The following BRWD1 variants were observed in gnomAD, a reference collection of about 807,000 sequenced individuals.
BRWD1 encodes bromodomain and WD repeat domain containing 1, also known as bromodomain and WD repeat-containing protein 1.
BRWD1 carries 82 observed loss-of-function variants against 251.2 expected under a neutral mutation model. That is an observed-to-expected ratio of 0.33 (90% CI 0.27 to 0.39). The LOEUF (loss-of-function observed/expected upper bound fraction) is 0.39, where lower values mean the gene tolerates loss of function less well. Ranked by LOEUF, BRWD1 falls within the 10% of genes least tolerant of loss-of-function variation. BRWD1 has a pLI of 1.00. For synonymous variants in BRWD1, 918 were observed against 902.8 expected (o/e 1.02, Z -0.30); for missense variants, 2,233 against 2,711.6 (o/e 0.82, Z 3.92).
At chr21:39,312,185 G>A (rs1457323339) in intron 4 of BRWD1, among the ~76,000 whole-genome samples, 1 of 152,134 alleles carries the variant, frequency 6.6e-6, no homozygotes, top group Non-Finnish European at 1.5e-5. Flanking sequence ...GATTAACCGA[G>A]CTCAAAAGAA....
At chr21:39,273,390 C>A (rs540034360) in intron 13 of BRWD1, among the ~76,000 whole-genome samples, 1 of 152,182 alleles carries the variant, frequency 6.6e-6, no homozygotes, top group African/African-American at 2.4e-5. Context: ...TTCTCTATCA[C>A]AGATAATTCC....
At chr21:39,250,656 A>C (rs1241747894) in intron 20 of BRWD1, 140 bp downstream of exon 20, 2 of 590,790 alleles carry the variant, frequency 3.4e-6, no homozygotes, top group Non-Finnish European at 2.9e-6. Context: ...TAAGTCTACT[A>C]TTTTAAATCT....
At chr21:39,222,785 A>T (rs2033229284) in intron 29 of BRWD1, among the ~76,000 whole-genome samples, 4 of 152,198 alleles carry the variant, frequency 2.6e-5, no homozygotes, top group Non-Finnish European at 5.9e-5. Flanking sequence ...AAGAAACAAG[A>T]TTTTTGCAGC....
intron 35 of BRWD1, 87 bp from the exon 36 acceptor site, chr21:39,210,234 T>A: frequency 1.7e-6 from 2 of 1,158,794 alleles, no homozygotes; most frequent in Non-Finnish European, 2.4e-6. Flanking sequence ...AAATGTGAAA[T>A]GATGGAAGAG....
rs565370773 is a variant in BRWD1 at position 39,185,862 on chromosome 21, C to T, written c.*10397G>A. 3 of 152,254 alleles carry T rather than the reference C, an allele frequency of 2.0e-5. No homozygotes were observed. The highest frequency in any genetic ancestry group is 1.3e-4 in the Admixed American group (2 of 15,308). The allele number at this position is 152,254 out of a possible 1,614,324, so 9.4% of individuals were successfully genotyped here. A position where few individuals can be genotyped will look rare whatever the true frequency, so the allele number is the denominator to read the frequency against. Reference sequence around the variant, plus strand: ...CAACAACTTAATTTTTCCAGTAACACGTTACTATGTTAAAAAGATGCGACA... The same window carrying T: ...CAACAACTTAATTTTTCCAGTAACATGTTACTATGTTAAAAAGATGCGACA... On this transcript the variant is annotated 3_prime_UTR_variant, in exon 41 of 41. Coordinates refer to ENST00000342449, the MANE Select transcript of BRWD1 (RefSeq NM_033656.4).
At chr21:39,184,348 T>C (rs2031088013), downstream of BRWD1, 1 of 152,254 alleles carries the variant, frequency 6.6e-6, no homozygotes, top group Non-Finnish European at 1.5e-5. Flanking sequence ...ATAAGCAGAA[T>C]GTGTGATTGT....
chr21:39,306,617 A>T (rs1182427948), intron 4 of BRWD1, among the ~76,000 whole-genome samples: 1 of 152,168 alleles, frequency 6.6e-6, no homozygotes, highest in East Asian at 1.9e-4. Context: ...AAAATACCAG[A>T]AGATCCTTAT....
At chr21:39,306,566 T>C (rs1267777519) in intron 4 of BRWD1, among the ~76,000 whole-genome samples, 2 of 152,186 alleles carry the variant, frequency 1.3e-5, no homozygotes, top group African/African-American at 4.8e-5. Flanking sequence ...AATAATTGAA[T>C]AATGTGTTAC....
At chr21:39,304,042 T>G (rs150221792) in intron 4 of BRWD1, among the ~76,000 whole-genome samples, 2,289 of 147,210 alleles carry the variant, frequency 0.016, 55 homozygotes, top group African/African-American at 0.055. Context: ...TCAGGAGGCT[T>G]AGGCAGGAGA....
chr21:39,304,192 T>C (rs1480624687), intron 4 of BRWD1, among the ~76,000 whole-genome samples: 1 of 151,346 alleles, frequency 6.6e-6, no homozygotes, highest in East Asian at 1.9e-4. Flanking sequence ...GAATACTTTT[T>C]ACCTTTTTGA....
chr21:39,302,190 G>C (rs1185436848), intron 4 of BRWD1, among the ~76,000 whole-genome samples: 2 of 151,514 alleles, frequency 1.3e-5, no homozygotes, highest in Non-Finnish European at 2.9e-5. Flanking sequence ...CACCATGTTG[G>C]CCAGGCTGGT....
intron 4 of BRWD1, among the ~76,000 whole-genome samples, chr21:39,301,978 GTTTTTTTTT>G (rs750413248): frequency 1.3e-5 from 1 of 79,866 alleles, no homozygotes; most frequent in African/African-American, 5.1e-5. Flanking sequence ...AGCTTTGTGT[GTTTTTTTTT>G]TTTTTTTTTT....
intron 17 of BRWD1, among the ~76,000 whole-genome samples, chr21:39,259,916 C>T (rs775947034): frequency 6.6e-6 from 1 of 151,986 alleles, no homozygotes; most frequent in Non-Finnish European, 1.5e-5. Flanking sequence ...ATATAACTTG[C>T]CACCATAAAG....
intron 11 of BRWD1, among the ~76,000 whole-genome samples, chr21:39,276,602 T>G (rs1411199451): frequency 6.6e-6 from 1 of 152,232 alleles, no homozygotes; most frequent in Admixed American, 6.5e-5. Context: ...TTTAAATCTG[T>G]ATCTATCAAA....
Position 39,187,953 on chromosome 21 carries a change from T to G in BRWD1, c.*8306A>C. 7 of 984,872 alleles carry G rather than the reference T, an allele frequency of 7.1e-6. No individual in the cohort carries two copies. The highest frequency in any genetic ancestry group is 8.4e-6 in the Non-Finnish European group (7 of 829,494). 61.0% of individuals were successfully genotyped at this position (984,872 alleles called of 1,614,324 possible). On this transcript the variant is annotated 3_prime_UTR_variant, in exon 41 of 41. Coordinates refer to ENST00000342449, the MANE Select transcript of BRWD1 (RefSeq NM_033656.4). The stretch of plus-strand genomic sequence containing the variant: ...CGAGAGGTGAAAATTGTGAAGGGAT[T>G]TGCCAGACAAAAAGCACTTTGGAGA...
rs80080474 is a variant in BRWD1, at chr21:39,216,129, G to A, written c.3660-767C>T. Among the ~76,000 whole-genome samples, 301 of 152,294 alleles carry A rather than the reference G, an allele frequency of 2.0e-3. 3 individuals carry two copies. The highest frequency in any genetic ancestry group is 9.1e-3 in the East Asian group (47 of 5,190). ...AATTACGTCGATAATGTGGACTCAA[G>A]ATGACTTTTTATAATTTCTTAAAGT... is the stretch of plus-strand genomic sequence containing the variant. On this transcript the variant is annotated intron_variant, in intron 31 of 40. Transcript: ENST00000342449.
chr21:39,313,513 CG>C lies in BRWD1; in HGVS notation c.-23del. 8.4e-7 allele frequency: 1 copy of C among 1,195,504 alleles called. No homozygotes were observed. The highest frequency in any genetic ancestry group is 1.0e-6 in the Non-Finnish European group (1 of 959,564). 74.1% of individuals were successfully genotyped at this position (1,195,504 alleles called of 1,614,324 possible). On this transcript the variant is annotated 5_prime_UTR_variant, in exon 1 of 41. Coordinates refer to ENST00000342449, the MANE Select transcript of BRWD1 (RefSeq NM_033656.4). Reference sequence around the variant, plus strand: ...CCATGGCCGGGCGCGGGGCGGGAGGCGGGAGCGAGCGAGCGAGCGGAGCGTG... The same window carrying C: ...CCATGGCCGGGCGCGGGGCGGGAGGCGGAGCGAGCGAGCGAGCGGAGCGTG...
Position 39,306,717 on chromosome 21 carries a change from A to C in BRWD1, c.198+6124T>G, listed in dbSNP as rs146174207. On this transcript the variant is annotated intron_variant, in intron 4 of 40. Transcript: ENST00000342449. Reference sequence around the variant, plus strand: ...TGAGGAACAGACTTAAAAGTTATTTATACTGAAATCAGAATTTGGTTTATT... The same window carrying C: ...TGAGGAACAGACTTAAAAGTTATTTCTACTGAAATCAGAATTTGGTTTATT... 2.6e-3 allele frequency among the ~76,000 whole-genome samples: 398 copies of C among 152,352 alleles called. 1 individual carries two copies. Among genetic ancestry groups the C allele is most frequent in the African/African-American group, 9.3e-3 (386 of 41,582 alleles).
chr21:39,307,014 C>A (rs183621235), intron 4 of BRWD1, among the ~76,000 whole-genome samples: 1 of 152,018 alleles, frequency 6.6e-6, no homozygotes, highest in Non-Finnish European at 1.5e-5. Context: ...CCACCACGCC[C>A]GGCTAAGTTT....
Sources: allele counts gnomAD v4.1 joint callset (sites outside exome capture counted in the v4.1 genomes callset), GRCh38; gene constraint gnomAD v4.1.1; transcripts MANE v1.5; gene names NCBI Gene and HGNC (gene_info 2026-07-23, HGNC 2026-07-21).